SMYD5: variants seen among roughly 807,000 people sequenced by gnomAD.
SMYD5 encodes the protein protein-lysine N-trimethyltransferase SMYD5.
Under a neutral mutation model 57.4 loss-of-function variants are expected in SMYD5, and 35 were observed. The observed-to-expected ratio is 0.61, with a 90% CI of 0.47 to 0.81. The LOEUF (loss-of-function observed/expected upper bound fraction) is 0.81, where lower values mean the gene tolerates loss of function less well. Among genes scored for constraint, SMYD5 ranks in the 30% least tolerant of loss-of-function variants. SMYD5 has a pLI of 0.00. For missense variants in SMYD5, 471 were observed against 527.9 expected (o/e 0.89, Z 1.06); for synonymous variants, 198 against 189.7 (o/e 1.04, Z -0.36).
At chr2:73,220,996 C>T (rs1393458452) in intron 4 of SMYD5, among the ~76,000 whole-genome samples, 169 bp from the exon 5 acceptor site, 2 of 152,170 alleles carry the variant, frequency 1.3e-5, no homozygotes, top group Non-Finnish European at 2.9e-5. Flanking sequence ...CAGAAAGAGC[C>T]CCATTAAGCC....
rs770791984 is a variant in SMYD5 at position 73,223,511 on chromosome 2, C to G, written c.862C>G (p.Leu288Val). The G allele has an allele frequency of 1.9e-6, 3 of 1,613,638 alleles. No homozygotes were observed. The highest frequency in any genetic ancestry group is 2.5e-6 in the Non-Finnish European group (3 of 1,179,538). Residue 288 changes from leucine (L) to valine (V), a missense_variant, in exon 9 of 13, where the codon CTA (leucine) becomes GTA (valine). Leu to Val is a conservative substitution (Grantham distance 32). Coordinates refer to ENST00000389501, the MANE Select transcript of SMYD5 (RefSeq NM_006062.3). ...GCAGCTTGACGCCTTCATTGACCAG[C>G]TATACAAGGACATCGAGGCAGGTTG... ...REQLDAFIDQ[L>V]YKDIEAATGE...
chr2:73,214,489 C>G (rs977819396), intron 1 of SMYD5, 127 bp downstream of exon 1: 6 of 1,508,568 alleles, frequency 4.0e-6, no homozygotes, highest in Non-Finnish European at 3.5e-6. Flanking sequence ...TGCCCCTGCT[C>G]GCGGCCCGGG....
intron 1 of SMYD5, among the ~76,000 whole-genome samples, chr2:73,217,420 T>C (rs1333267623): frequency 1.3e-5 from 2 of 152,244 alleles, no homozygotes; most frequent in African/African-American, 4.8e-5. Flanking sequence ...TGTCCAATAT[T>C]GAAATTTGAG....
Position 73,221,822 on chromosome 2 carries a change from G to A in SMYD5, c.538-4G>A. On this transcript the variant is annotated splice_polypyrimidine_tract_variant and splice_region_variant and intron_variant, in intron 5 of 12. Transcript: ENST00000389501. ...TGACCCTTAAGTATGTTTGTTCACT[G>A]CAGGCGAAGGACAAGGACCGTTGGA... is the stretch of plus-strand genomic sequence containing the variant. 1 of 1,608,642 alleles carries A rather than the reference G, an allele frequency of 6.2e-7. No homozygotes were observed. Among genetic ancestry groups the A allele is most frequent in the Non-Finnish European group, 8.5e-7 (1 of 1,175,018 alleles).
chr2:73,214,954 C>A, intron 1 of SMYD5: 4 of 461,436 alleles, frequency 8.7e-6, no homozygotes, highest in Non-Finnish European at 1.1e-5. Flanking sequence ...ACAAAAATCA[C>A]CCATACTTCT....
At chr2:73,216,611 C>A (rs1686296972) in intron 1 of SMYD5, among the ~76,000 whole-genome samples, 1 of 152,160 alleles carries the variant, frequency 6.6e-6, no homozygotes, top group Non-Finnish European at 1.5e-5. Context: ...ACGAGAATTG[C>A]TTGAACCCAG....
rs1290140646 is a variant in SMYD5 at position 73,222,389 on chromosome 2, TG to T, written c.643-362del. Among the ~76,000 whole-genome samples the T allele has an allele frequency of 9.9e-5, 15 of 152,164 alleles. No individual in the cohort carries two copies. The East Asian group carries it at 2.7e-3, about 27-fold the overall frequency. On this transcript the variant is annotated intron_variant, in intron 6 of 12. Transcript: ENST00000389501. ...GGCAGGTGTGTACAAGGTTTGCATC[TG>T]GGGTGGGCCCTCTTGCACTGAACTT...
rs750034066 is a variant in SMYD5, at chr2:73,218,960, C to T, written c.196C>T (p.Arg66Cys). The change falls in exon 2 of 13, where the codon CGC (arginine) becomes TGC (cysteine). Residue 66 changes from arginine (R) to cysteine (C), a missense_variant. By Grantham distance (180) the Arg-to-Cys change is radical. Coordinates refer to ENST00000389501, the MANE Select transcript of SMYD5 (RefSeq NM_006062.3). The stretch of plus-strand genomic sequence containing the variant: ...ACAGTTTCTCTGGAATGCACTTTAT[C>T]GCTACCGAGGTGAGTACATCTCTCC... ...AAQFLWNALYRYRACDHCLRA... is the reference protein window; with the variant it reads ...AAQFLWNALYCYRACDHCLRA... 26 of 1,612,106 alleles carry T rather than the reference C, an allele frequency of 1.6e-5. No homozygotes were observed. Among genetic ancestry groups the T allele is most frequent in the South Asian group, 1.2e-4 (11 of 91,042 alleles).
rs1046698870 is a variant in SMYD5 at position 73,220,583 on chromosome 2, A to G, written c.346-78A>G. 1.9e-6 allele frequency: 3 copies of G among 1,543,212 alleles called. No homozygotes were observed. The Admixed American group carries it at 5.0e-5, about 26-fold the overall frequency. ...ACATCTGAGCTACAGCTCAGGGGCT[A>G]TTTGTGGAAGGAATGCAGTTAGAGG... is the stretch of plus-strand genomic sequence containing the variant. On this transcript the variant is annotated intron_variant, in intron 3 of 12. Coordinates refer to ENST00000389501, the MANE Select transcript of SMYD5 (RefSeq NM_006062.3).
Position 73,225,718 on chromosome 2 carries a change from T to C in SMYD5, c.1106+17T>C. On this transcript the variant is annotated intron_variant, in intron 12 of 12. Transcript: ENST00000389501. ...GATCCTCAGGTGCCAGCTGGGGACA[T>C]GGTTGTGCAGCTGGGCTCTGGGGTC... 1 of 1,614,148 alleles carries C rather than the reference T, an allele frequency of 6.2e-7. No individual in the cohort carries two copies. Among genetic ancestry groups the C allele is most frequent in the Non-Finnish European group, 8.5e-7 (1 of 1,179,980 alleles).
chr2:73,217,562 A>G (rs1379228657), intron 1 of SMYD5, among the ~76,000 whole-genome samples: 1 of 152,206 alleles, frequency 6.6e-6, no homozygotes, highest in Non-Finnish European at 1.5e-5. Context: ...AGGCAAGGGT[A>G]TGCCCAGGGC....
chr2:73,214,681 G>A, intron 1 of SMYD5: 1 of 1,426,262 alleles, frequency 7.0e-7, no homozygotes, highest in Non-Finnish European at 9.4e-7. Flanking sequence ...GGTGGGCGGG[G>A]ATGTGCCGGG....
intron 5 of SMYD5, 43 bp downstream of exon 5, chr2:73,221,277 A>T: frequency 4.6e-6 from 7 of 1,519,128 alleles, no homozygotes; most frequent in Non-Finnish European, 6.4e-6. Flanking sequence ...CTTTGGCCCC[A>T]TTCAACCCTT....
At chr2:73,214,956 C>T (rs1686265493) in intron 1 of SMYD5, 1 of 448,016 alleles carries the variant, frequency 2.2e-6, no homozygotes, top group Non-Finnish European at 2.9e-6. Flanking sequence ...AAAAATCACC[C>T]ATACTTCTAT....
chr2:73,225,860 A>G lies in SMYD5; in HGVS notation c.1171A>G (p.Thr391Ala). ...CLAEADEPNVTSEEEEEEEEE... is the reference protein window; with the variant it reads ...CLAEADEPNVASEEEEEEEEE... Reference sequence around the variant, plus strand: ...GGCAGAGGCTGATGAACCCAATGTGACCTCAGAAGAGGAAGAGGAAGAGGA... The same window carrying G: ...GGCAGAGGCTGATGAACCCAATGTGGCCTCAGAAGAGGAAGAGGAAGAGGA... Residue 391 changes from threonine to alanine, a missense_variant, in exon 13 of 13, where the codon ACC becomes GCC. Physicochemically the swap from Thr to Ala is moderately conservative, Grantham distance 58. Transcript: ENST00000389501. 1 of 1,614,148 alleles carries G rather than the reference A, an allele frequency of 6.2e-7. No individual in the cohort carries two copies. The highest frequency in any genetic ancestry group is 8.5e-7 in the Non-Finnish European group (1 of 1,180,014).
chr2:73,225,537 T>G (rs754045728), intron 11 of SMYD5, 94 bp from the exon 12 acceptor site: 3 of 1,171,666 alleles, frequency 2.6e-6, no homozygotes, highest in Non-Finnish European at 3.7e-6. Flanking sequence ...CTCCTAGAGA[T>G]GGGGCAGTGG....
At chr2:73,216,930 C>G (rs1686303620) in intron 1 of SMYD5, among the ~76,000 whole-genome samples, 1 of 151,082 alleles carries the variant, frequency 6.6e-6, no homozygotes, top group African/African-American at 2.4e-5. Flanking sequence ...TGTCCCCTTT[C>G]CATTCAGGTT....
At chr2:73,220,540 G>C in intron 3 of SMYD5, 121 bp from the exon 4 acceptor site, 1 of 1,213,928 alleles carries the variant, frequency 8.2e-7, no homozygotes, top group Non-Finnish European at 1.2e-6. Context: ...AGCACCCTAT[G>C]TTTTCTCTTC....
intron 10 of SMYD5, 95 bp from the exon 11 acceptor site, chr2:73,224,771 G>A (rs1686466744): frequency 6.3e-6 from 6 of 956,892 alleles, no homozygotes; most frequent in Non-Finnish European, 9.6e-6. Context: ...GCCTTGGCAG[G>A]GATGAACGAG....
Sources: allele counts gnomAD v4.1 joint callset (sites outside exome capture counted in the v4.1 genomes callset), GRCh38; gene constraint gnomAD v4.1.1; transcripts MANE v1.5; gene names NCBI Gene and HGNC (gene_info 2026-07-23, HGNC 2026-07-21).